LOC122539214: variants seen among roughly 807,000 people sequenced by gnomAD.
the LOC122539214 span, among the ~76,000 whole-genome samples, chr19:52,690,140 G>A: frequency 6.0e-4 from 90 of 149,148 alleles, no homozygotes; most frequent in African/African-American, 2.1e-3. Context: ...GGGTGAGGAC[G>A]TTAAAAAGCG....
chr19:52,677,175 AAAAAACAAAAAC>A, the LOC122539214 span, among the ~76,000 whole-genome samples: 1 of 151,854 alleles, frequency 6.6e-6, no homozygotes, highest in Non-Finnish European at 1.5e-5. Context: ...GATACAATCA[AAAAAACAAAAAC>A]AAAAACAAAA....
chr19:52,683,228 C>CTGTG, the LOC122539214 span, among the ~76,000 whole-genome samples: 2,770 of 127,836 alleles, frequency 0.022, 47 homozygotes, highest in East Asian at 0.067. Context: ...CCCTGTGACT[C>CTGTG]TGTGTGTGTG....
the LOC122539214 span, among the ~76,000 whole-genome samples, chr19:52,685,891 C>G: frequency 9.6e-6 from 1 of 103,772 alleles, no homozygotes; most frequent in African/African-American, 4.0e-5. Context: ...AAGAGTGTAA[C>G]TGTCACAAAA....
the LOC122539214 span, chr19:52,653,191 G>A: frequency 6.6e-7 from 1 of 1,525,472 alleles, no homozygotes; most frequent in African/African-American, 1.4e-5. Flanking sequence ...CACAAGGGAT[G>A]ACTTCTGACT....
chr19:52,685,897 CA>C, the LOC122539214 span, among the ~76,000 whole-genome samples: 3,094 of 129,028 alleles, frequency 0.024, 17 homozygotes, highest in South Asian at 0.038. Context: ...GTAACTGTCA[CA>C]AAAAAAAAAA....
chr19:52,664,298 C>A, the LOC122539214 span, among the ~76,000 whole-genome samples: 6 of 151,724 alleles, frequency 4.0e-5, no homozygotes, highest in African/African-American at 7.3e-5. Context: ...GAGTTCGAGA[C>A]CAGCCTGGGC....
At chr19:52,662,171 C>T in the LOC122539214 span, among the ~76,000 whole-genome samples, 3 of 152,152 alleles carry the variant, frequency 2.0e-5, no homozygotes, top group Admixed American at 6.5e-5. Flanking sequence ...CTTTTCTTTA[C>T]GTTATAAATT....
chr19:52,676,997 C>T, the LOC122539214 span, among the ~76,000 whole-genome samples: 22 of 145,646 alleles, frequency 1.5e-4, no homozygotes, highest in Non-Finnish European at 3.0e-4. Context: ...TGCGGAAGGC[C>T]GCAGGGTCCT....
the LOC122539214 span, among the ~76,000 whole-genome samples, chr19:52,687,584 A>T: frequency 5.4e-5 from 2 of 37,330 alleles, 1 homozygote; most frequent in Non-Finnish European, 8.7e-5. Flanking sequence ...AATTTTATAT[A>T]TATATATATA....
At chr19:52,686,654 A>T in the LOC122539214 span, among the ~76,000 whole-genome samples, 1 of 151,998 alleles carries the variant, frequency 6.6e-6, no homozygotes, top group Non-Finnish European at 1.5e-5. Flanking sequence ...GCTCACTGCA[A>T]CCTCTACCTC....
At chr19:52,666,221 G>A in the LOC122539214 span, among the ~76,000 whole-genome samples, 1 of 151,440 alleles carries the variant, frequency 6.6e-6, no homozygotes, top group Non-Finnish European at 1.5e-5. Context: ...AAGAGACAGA[G>A]AGACAAAAAG....
chr19:52,686,135 T>C, the LOC122539214 span, among the ~76,000 whole-genome samples: 1 of 152,170 alleles, frequency 6.6e-6, no homozygotes, highest in African/African-American at 2.4e-5. Context: ...CTGACATCTT[T>C]ACCAGGTACA....
the LOC122539214 span, among the ~76,000 whole-genome samples, chr19:52,680,524 CTG>C: frequency 6.6e-6 from 1 of 151,788 alleles, no homozygotes; most frequent in African/African-American, 2.4e-5. Context: ...TGATCAAAGA[CTG>C]TGTTCTGACA....
At chr19:52,654,794 C>T in the LOC122539214 span, 1 of 155,184 alleles carries the variant, frequency 6.4e-6, no homozygotes, top group African/African-American at 2.4e-5. Flanking sequence ...GGAATTTCTA[C>T]AGCAGTGACT....
At chr19:52,685,843 A>G in the LOC122539214 span, among the ~76,000 whole-genome samples, 1 of 151,644 alleles carries the variant, frequency 6.6e-6, no homozygotes, top group Non-Finnish European at 1.5e-5. Flanking sequence ...TGTTTCTGCA[A>G]GCTGAGATGG....
At chr19:52,683,268 GTGTGTGTGTGTGTA>G in the LOC122539214 span, among the ~76,000 whole-genome samples, 28 of 101,052 alleles carry the variant, frequency 2.8e-4, no homozygotes, top group African/African-American at 7.1e-4. Flanking sequence ...GTGTGTGTGT[GTGTGTGTGTGTGTA>G]TGCTCACGTG....
chr19:52,666,157 C>A, the LOC122539214 span, among the ~76,000 whole-genome samples: 1 of 107,230 alleles, frequency 9.3e-6, no homozygotes, highest in Non-Finnish European at 1.9e-5. Context: ...GAGCAAGACT[C>A]CATCTCAAAA....
At chr19:52,678,247 TC>T in the LOC122539214 span, among the ~76,000 whole-genome samples, 3 of 151,486 alleles carry the variant, frequency 2.0e-5, no homozygotes, top group African/African-American at 7.3e-5. Context: ...GATCAGTAGT[TC>T]AAGACCAGAC....
chr19:52,680,600 CAA>C, the LOC122539214 span, among the ~76,000 whole-genome samples: 1 of 131,334 alleles, frequency 7.6e-6, no homozygotes, highest in East Asian at 2.4e-4. Flanking sequence ...TACTTTTCCA[CAA>C]AATATTTTTT....
Sources: gnomAD v4.1 joint callset for allele counts (sites outside exome capture counted in the v4.1 genomes callset) on GRCh38, gnomAD v4.1.1 for gene constraint, MANE v1.5 for transcripts.